Variants in TBC1D8B observed in about 807,000 individuals in gnomAD.
The protein encoded by TBC1D8B is TBC1 domain family member 8B.
A neutral mutation model predicts 82.9 loss-of-function variants in TBC1D8B; 75 were observed. The ratio of observed to expected loss-of-function variants is 0.90; its 90% CI spans 0.75 to 1.10. TBC1D8B has a LOEUF of 1.10. Among genes scored for constraint, TBC1D8B ranks in the 50% least tolerant of loss-of-function variants. The probability of loss-of-function intolerance (pLI) is 0.00; values close to 1 mark genes in which losing one functional copy is unlikely to be tolerated. For synonymous variants in TBC1D8B, 276 were observed against 276.8 expected, an observed-to-expected ratio of 1.00 and a Z score of 0.03; for missense variants, 794 against 796.9, an observed-to-expected ratio of 1.00 and a Z score of 0.04.
intron 20 of TBC1D8B, among the ~76,000 whole-genome samples, chrX:106,872,564 A>G (rs1450443206): frequency 2.8e-5 from 3 of 105,933 alleles, no homozygotes; most frequent in African/African-American, 1.1e-4. Context: ...TTTTCATTCC[A>G]TGGAAGCAGG....
At chrX:106,849,153 C>T (rs1038437052) in intron 11 of TBC1D8B, 50 of 812,036 alleles carry the variant, frequency 6.2e-5, no homozygotes, top group Non-Finnish European at 7.4e-5. Context: ...CTCTTTGTAC[C>T]GTAATAGGCT....
At chrX:106,827,126 A>C in intron 6 of TBC1D8B, 44 bp from the exon 7 acceptor site, 1 of 1,181,053 alleles carries the variant, frequency 8.5e-7, no homozygotes, top group South Asian at 1.9e-5. Flanking sequence ...AGGTGTCAAC[A>C]ATAAAGGAAA....
chrX:106,866,883 A>G, intron 17 of TBC1D8B, 21 bp downstream of exon 17: 1 of 1,081,304 alleles, frequency 9.2e-7, no homozygotes. Flanking sequence ...ACCAGTCTTT[A>G]ACGATGTACA....
intron 10 of TBC1D8B, among the ~76,000 whole-genome samples, chrX:106,844,321 G>T (rs1932382016): frequency 9.1e-6 from 1 of 109,334 alleles, no homozygotes. Context: ...TCACCATAAA[G>T]TATAATGTTA....
intron 8 of TBC1D8B, among the ~76,000 whole-genome samples, 189 bp from the exon 9 acceptor site, chrX:106,839,859 T>C (rs1008782711): frequency 3.6e-5 from 4 of 112,348 alleles, no homozygotes; most frequent in South Asian, 7.4e-4. Flanking sequence ...GCTGCTATGC[T>C]CACATGAGTT....
In TBC1D8B at chrX:106,869,473, C is replaced by T. The variant is rs919225380; in HGVS notation, c.2813-12C>T. ...AACATCTTACAGAATGCAATTACAT[C>T]TTTTCTTATAGTTTCCAAGCCTGCA... On this transcript the variant is annotated splice_polypyrimidine_tract_variant and intron_variant, in intron 18 of 20. Coordinates refer to ENST00000357242, the MANE Select transcript of TBC1D8B (RefSeq NM_017752.3). 2.3e-5 allele frequency: 28 copies of T among 1,201,477 alleles called. 2 individuals are homozygous for T. The highest frequency in any genetic ancestry group is 1.1e-4 in the African/African-American group (6 of 57,046).
At chrX:106,817,316 G>A (rs757461783) in intron 1 of TBC1D8B, among the ~76,000 whole-genome samples, 1 of 111,083 alleles carries the variant, frequency 9.0e-6, no homozygotes. Context: ...GAAGCTCTTA[G>A]AAAGTAGTTA....
chrX:106,809,249 C>T (rs959785965), intron 1 of TBC1D8B, among the ~76,000 whole-genome samples: 2 of 111,440 alleles, frequency 1.8e-5, no homozygotes, highest in African/African-American at 6.5e-5. Context: ...AAAACAAAGT[C>T]CCTACTCTCA....
chrX:106,814,716 T>G (rs1391441419), intron 1 of TBC1D8B: 2 of 111,277 alleles, frequency 1.8e-5, no homozygotes, highest in African/African-American at 6.5e-5. Context: ...TGTTGTTTCC[T>G]GACTTTTTAA....
At chrX:106,815,640 T>A (rs1421004402) in intron 1 of TBC1D8B, 1 of 110,205 alleles carries the variant, frequency 9.1e-6, no homozygotes, top group East Asian at 2.8e-4. Flanking sequence ...CCTTGGGCAG[T>A]ATGGCCATTT....
chrX:106,856,570 A>G (rs1031644691), intron 14 of TBC1D8B, among the ~76,000 whole-genome samples: 5 of 111,024 alleles, frequency 4.5e-5, no homozygotes, highest in Non-Finnish European at 7.6e-5. Context: ...CTAAAAACCA[A>G]TTATTAAATA....
chrX:106,862,831 G>GT (rs1209135263), intron 14 of TBC1D8B, among the ~76,000 whole-genome samples: 1 of 96,964 alleles, frequency 1.0e-5, no homozygotes, highest in East Asian at 3.2e-4. Flanking sequence ...GCCCTTGGGG[G>GT]TTTGATTGTG....
At chrX:106,813,393 G>A (rs1489160801) in intron 1 of TBC1D8B, among the ~76,000 whole-genome samples, 1 of 111,379 alleles carries the variant, frequency 9.0e-6, no homozygotes, top group Non-Finnish European at 1.9e-5. Flanking sequence ...ATTATTTCTT[G>A]CATAGTTTTA....
At chrX:106,857,672 T>G (rs1232229919) in intron 14 of TBC1D8B, among the ~76,000 whole-genome samples, 1 of 111,971 alleles carries the variant, frequency 8.9e-6, no homozygotes, top group Non-Finnish European at 1.9e-5. Flanking sequence ...AGTATTTGGT[T>G]TTCTTTTCCT....
intron 1 of TBC1D8B, among the ~76,000 whole-genome samples, chrX:106,808,547 A>G (rs1478066251): frequency 2.7e-5 from 3 of 112,278 alleles, no homozygotes; most frequent in East Asian, 2.8e-4. Flanking sequence ...GATAGTTACT[A>G]ATTGAAGAAT....
At chrX:106,853,066 T>A (rs1047029132) in intron 12 of TBC1D8B, among the ~76,000 whole-genome samples, 2 of 111,524 alleles carry the variant, frequency 1.8e-5, no homozygotes, top group African/African-American at 6.5e-5. Flanking sequence ...GCATGGAATG[T>A]TCTTCTATTT....
intron 2 of TBC1D8B, 119 bp downstream of exon 2, chrX:106,818,892 T>C (rs1931619533): frequency 1.9e-6 from 1 of 523,134 alleles, no homozygotes; most frequent in African/African-American, 2.4e-5. Flanking sequence ...AATGTGCAAC[T>C]TTACTTTGAG....
In TBC1D8B at chrX:106,802,677, A is replaced by ATC. The variant is rs1315889789; in HGVS notation, c.-171_-170dup. ...GTAGCGCTGTGGGAGGGAATTGGCAATCTCTCTGCCTACGTGGGAGAGAAG... is the reference window on the plus strand; with the variant it reads ...GTAGCGCTGTGGGAGGGAATTGGCAATCTCTCTCTGCCTACGTGGGAGAGAAG... On this transcript the variant is annotated 5_prime_UTR_variant, in exon 1 of 21. Coordinates refer to ENST00000357242, the MANE Select transcript of TBC1D8B (RefSeq NM_017752.3). 5 of 594,861 alleles carry ATC rather than the reference A, an allele frequency of 8.4e-6. No individual in the cohort carries two copies. The highest frequency in any genetic ancestry group is 5.6e-4 in the Middle Eastern group (1 of 1,776). 49.0% of individuals were successfully genotyped at this position (594,861 alleles called of 1,213,427 possible). A position where few individuals can be genotyped will look rare whatever the true frequency, so the allele number is the denominator to read the frequency against.
intron 19 of TBC1D8B, 91 bp downstream of exon 19, chrX:106,869,632 T>A: frequency 1.5e-6 from 1 of 664,498 alleles, no homozygotes; most frequent in Non-Finnish European, 2.3e-6. Flanking sequence ...GGATTCCTTT[T>A]AAAGGCTATT....
Sources: allele counts gnomAD v4.1 joint callset (sites outside exome capture counted in the v4.1 genomes callset), GRCh38; gene constraint gnomAD v4.1.1; transcripts MANE v1.5; gene names NCBI Gene and HGNC (gene_info 2026-07-23, HGNC 2026-07-21).